The following NRG3 variants were observed in gnomAD, a reference collection of about 807,000 sequenced individuals.
NRG3 encodes the protein neuregulin 3.
Under a neutral mutation model 66.9 loss-of-function variants are expected in NRG3, and 31 were observed. The observed-to-expected ratio is 0.46, with a 90% confidence interval of 0.35 to 0.63. The LOEUF is 0.63. Ranked by LOEUF, NRG3 falls within the 20% of genes least tolerant of loss-of-function variation. The pLI, the probability that NRG3 is intolerant of heterozygous loss-of-function variation, is 0.00. For synonymous variants in NRG3, 393 were observed against 359.4 expected, an observed-to-expected ratio of 1.09 and a Z score of -1.06; for missense variants, 910 against 878.9, an observed-to-expected ratio of 1.04 and a Z score of -0.45.
rs142421762 is a variant in NRG3, at chr10:82,068,112, T to C, written c.823+191949T>C. On this transcript the variant is annotated intron_variant, in intron 1 of 8. Transcript: ENST00000372141. ...AGTGTAGAACAATAGAATTATAGTT[T>C]ATAAATACTGGGATTTCAGGACTAA... is the stretch of plus-strand genomic sequence containing the variant. Among the ~76,000 whole-genome samples, 242 of 152,312 alleles carry C rather than the reference T, an allele frequency of 1.6e-3. 5 individuals are homozygous for C. In the East Asian group the frequency reaches 0.04, roughly 25 times the overall value.
intron 3 of NRG3, among the ~76,000 whole-genome samples, chr10:82,776,440 G>A (rs1488045323): frequency 1.3e-5 from 2 of 152,030 alleles, no homozygotes; most frequent in Non-Finnish European, 2.9e-5. Context: ...AGACTTTTGA[G>A]CTTCATGGAT....
intron 2 of NRG3, among the ~76,000 whole-genome samples, chr10:82,489,914 A>G (rs2132235176): frequency 6.6e-6 from 1 of 152,308 alleles, no homozygotes; most frequent in Admixed American, 6.5e-5. Context: ...TCCACAGCCC[A>G]GTGCTGTTTT....
intron 1 of NRG3, among the ~76,000 whole-genome samples, chr10:82,153,174 T>A (rs1191858233): frequency 6.6e-6 from 1 of 152,076 alleles, no homozygotes; most frequent in East Asian, 1.9e-4. Flanking sequence ...TAGCTGAAAC[T>A]TTTTACCTTT....
At chr10:82,763,439 C>T (rs2059401354) in intron 3 of NRG3, among the ~76,000 whole-genome samples, 2 of 151,842 alleles carry the variant, frequency 1.3e-5, no homozygotes, top group African/African-American at 4.8e-5. Flanking sequence ...ATCAAAATAG[C>T]AATAGAATTA....
chr10:82,053,065 A>C (rs528321449), intron 1 of NRG3, among the ~76,000 whole-genome samples: 7 of 152,108 alleles, frequency 4.6e-5, no homozygotes, highest in South Asian at 2.1e-4. Context: ...TTATTCATCA[A>C]ATGTTTTAGG....
intron 2 of NRG3, among the ~76,000 whole-genome samples, chr10:82,481,584 A>T (rs1177672334): frequency 6.6e-6 from 1 of 152,238 alleles, no homozygotes; most frequent in Non-Finnish European, 1.5e-5. Context: ...TTTGAACAGG[A>T]TGGAAACAGA....
intron 2 of NRG3, among the ~76,000 whole-genome samples, chr10:82,488,544 G>A (rs1399515204): frequency 6.6e-6 from 1 of 152,148 alleles, no homozygotes; most frequent in Non-Finnish European, 1.5e-5. Flanking sequence ...GTACAAAATG[G>A]TAGCTCCAAC....
intron 4 of NRG3, among the ~76,000 whole-genome samples, chr10:82,895,138 T>TATC (rs148393719): frequency 2.4e-3 from 360 of 152,300 alleles, no homozygotes; most frequent in African/African-American, 8.3e-3. Context: ...TTATCCAGTC[T>TATC]ATCATTGATG....
At chr10:82,727,339 G>A (rs556023159) in intron 2 of NRG3, among the ~76,000 whole-genome samples, 5,415 of 149,764 alleles carry the variant, frequency 0.036, 344 homozygotes, top group African/African-American at 0.13. Flanking sequence ...AAAAAAAAAT[G>A]GTTTTGTGGG....
chr10:82,741,559 G>T (rs187823598), intron 3 of NRG3, among the ~76,000 whole-genome samples: 84 of 152,268 alleles, frequency 5.5e-4, no homozygotes, highest in African/African-American at 1.9e-3. Flanking sequence ...GCCAGGCACT[G>T]TGCCAAAGGC....
intron 1 of NRG3, among the ~76,000 whole-genome samples, chr10:81,957,056 C>T (rs1849905219): frequency 6.6e-6 from 1 of 152,144 alleles, no homozygotes; most frequent in South Asian, 2.1e-4. Flanking sequence ...TAATTCTCAC[C>T]AGTAACATGG....
chr10:82,273,373 T>C (rs1401913194), intron 1 of NRG3, among the ~76,000 whole-genome samples: 1 of 152,106 alleles, frequency 6.6e-6, no homozygotes, highest in Non-Finnish European at 1.5e-5. Flanking sequence ...GATGTTTTAT[T>C]CATACTTTGT....
chr10:82,856,769 A>AC (rs1411921768), intron 3 of NRG3, among the ~76,000 whole-genome samples: 1 of 151,074 alleles, frequency 6.6e-6, no homozygotes, highest in Non-Finnish European at 1.5e-5. Context: ...AAAAAAAAAA[A>AC]AAAAGAAAAG....
chr10:81,915,771 C>G (rs1285581015), intron 1 of NRG3, among the ~76,000 whole-genome samples: 2 of 151,958 alleles, frequency 1.3e-5, no homozygotes, highest in Non-Finnish European at 1.5e-5. Flanking sequence ...TTCCTTCTAC[C>G]TGCTGAGGAG....
chr10:82,541,518 TGG>T (rs2043539772), intron 2 of NRG3, among the ~76,000 whole-genome samples: 1 of 152,010 alleles, frequency 6.6e-6, no homozygotes, highest in Non-Finnish European at 1.5e-5. Flanking sequence ...GGTACGTGAC[TGG>T]GGGCTGCATG....
At chr10:82,728,408 G>A (rs2057725183) in intron 2 of NRG3, among the ~76,000 whole-genome samples, 1 of 152,072 alleles carries the variant, frequency 6.6e-6, no homozygotes, top group Non-Finnish European at 1.5e-5. Flanking sequence ...TACTAAATGG[G>A]TCTCACAAGA....
intron 2 of NRG3, among the ~76,000 whole-genome samples, chr10:82,728,666 T>A (rs2644209): frequency 0.68 from 103,906 of 152,186 alleles, 35,959 homozygotes; most frequent in East Asian, 0.84. Flanking sequence ...CAATTACTCT[T>A]CTGATTCTGA....
At chr10:82,113,302 A>G (rs2067500418) in intron 1 of NRG3, among the ~76,000 whole-genome samples, 1 of 152,156 alleles carries the variant, frequency 6.6e-6, no homozygotes. Flanking sequence ...TTGTTCAGTG[A>G]TAAAACTGTG....
intron 2 of NRG3, among the ~76,000 whole-genome samples, chr10:82,732,845 C>T (rs1020046033): frequency 1.3e-5 from 2 of 152,208 alleles, no homozygotes; most frequent in Admixed American, 6.5e-5. Context: ...TTTCCATTTT[C>T]CCCAACCAAG....
Sources: allele counts gnomAD v4.1 joint callset (sites outside exome capture counted in the v4.1 genomes callset), GRCh38; gene constraint gnomAD v4.1.1; transcripts MANE v1.5; gene names NCBI Gene and HGNC (gene_info 2026-07-23, HGNC 2026-07-21).